The following TAB1 variants were observed in gnomAD, a reference collection of about 807,000 sequenced individuals.
TAB1 encodes TGF-beta activated kinase 1 (MAP3K7) binding protein 1.
Under a neutral mutation model 54.5 loss-of-function variants are expected in TAB1, and 30 were observed. The observed-to-expected ratio is 0.55, with a 90% confidence interval of 0.41 to 0.75. The LOEUF (loss-of-function observed/expected upper bound fraction) is 0.75. Ranked by LOEUF, TAB1 falls within the 30% of genes least tolerant of loss-of-function variation. The pLI is 0.00. For synonymous variants in TAB1, 289 were observed against 286.9 expected (o/e 1.01, Z -0.07); for missense variants, 609 against 683.2 (o/e 0.89, Z 1.21).
downstream of TAB1, chr22:39,433,170 G>A (rs553307930): frequency 3.7e-5 from 36 of 985,392 alleles, no homozygotes; most frequent in African/African-American, 4.7e-4. Context: ...CATCAGTCTC[G>A]GCCGGGCGCG....
Position 39,426,781 on chromosome 22 carries a change from G to A in TAB1, c.1000G>A (p.Val334Met). The A allele has an allele frequency of 1.2e-6, 2 of 1,614,120 alleles. No individual in the cohort carries two copies. The highest frequency in any genetic ancestry group is 1.7e-6 in the Non-Finnish European group (2 of 1,180,036). The stretch of plus-strand genomic sequence containing the variant: ...AGTGGCCCAGGCCGTCGTGGACCGG[G>A]TGAAGCGCATCCACAGCGACACCTT... Reference protein sequence around the residue: ...DAVAQAVVDRVKRIHSDTFAS... With the variant: ...DAVAQAVVDRMKRIHSDTFAS... The change falls in exon 9 of 11, where the codon GTG becomes ATG. Residue 334 changes from valine to methionine, a missense_variant. By Grantham distance (21) the Val-to-Met change is conservative. Coordinates refer to ENST00000216160, the MANE Select transcript of TAB1 (RefSeq NM_006116.3).
intron 6 of TAB1, among the ~76,000 whole-genome samples, chr22:39,419,075 G>A (rs1301897606): frequency 3.3e-5 from 5 of 152,218 alleles, no homozygotes; most frequent in East Asian, 1.9e-4. Context: ...AACCTACCTC[G>A]GGATGCTAGG....
At chr22:39,407,481 G>A (rs1926414337) in intron 1 of TAB1, among the ~76,000 whole-genome samples, 1 of 150,094 alleles carries the variant, frequency 6.7e-6, no homozygotes, top group Non-Finnish European at 1.5e-5. Flanking sequence ...ATCATTTGTT[G>A]TTGTTTTGTT....
downstream of TAB1, among the ~76,000 whole-genome samples, chr22:39,435,476 G>A (rs1489857665): frequency 1.3e-5 from 2 of 152,218 alleles, no homozygotes; most frequent in African/African-American, 2.4e-5. Context: ...GAAGGGCAGC[G>A]ATTTGTGTCT....
At position 39,428,118 on chromosome 22, in the gene TAB1, G is replaced by T. The variant is rs1323085416; in HGVS notation, c.1242G>T (p.Gln414His). The change falls in exon 10 of 11, where the codon CAG becomes CAT. Residue 414 changes from glutamine (Q) to histidine (H), a missense_variant. Physicochemically the swap from Gln to His is conservative, Grantham distance 24 (BLOSUM62 0). Transcript: ENST00000216160. ...CCCTCTCCCTTGTCATGCCCTCCCAGGGCCAGATGGTCAACGGGGCTCACA... is the reference window on the plus strand; with the variant it reads ...CCCTCTCCCTTGTCATGCCCTCCCATGGCCAGATGGTCAACGGGGCTCACA... ...SVTLSLVMPS[Q>H]GQMVNGAHSA... The T allele has an allele frequency of 6.2e-7, 1 of 1,613,632 alleles. No individual in the cohort carries two copies. Among genetic ancestry groups the T allele is most frequent in the Admixed American group, 1.7e-5 (1 of 59,978 alleles).
At chr22:39,414,902 A>C in intron 1 of TAB1, 104 bp from the exon 2 acceptor site, 1 of 1,334,560 alleles carries the variant, frequency 7.5e-7, no homozygotes, top group Non-Finnish European at 1.1e-6. Flanking sequence ...CCCTCTGTGT[A>C]GGGCTGCGGG....
At chr22:39,414,835 AC>A (rs1811039864) in intron 1 of TAB1, 170 bp from the exon 2 acceptor site, 2 of 657,666 alleles carry the variant, frequency 3.0e-6, no homozygotes, top group African/African-American at 1.9e-5. Flanking sequence ...AAAACAGCAA[AC>A]CCTTCTGCAG....
At chr22:39,417,591 A>G (rs1027756565) in intron 4 of TAB1, 120 bp from the exon 5 acceptor site, 7 of 1,022,910 alleles carry the variant, frequency 6.8e-6, no homozygotes, top group African/African-American at 1.7e-5. Flanking sequence ...ACTGCACTGT[A>G]GCCTGGGGGA....
Position 39,426,924 on chromosome 22 carries a change from A to G in TAB1, c.1143A>G (p.Pro381=). ...GCCAGCCCACACCGAGCCCAGCCCCAGGTACGTGTGCTGTGCAGACAGGCA... is the reference window on the plus strand; with the variant it reads ...GCCAGCCCACACCGAGCCCAGCCCCGGGTACGTGTGCTGTGCAGACAGGCA... ...EMSQPTPSPA[P]AAGGRVYPVS... is the part of the protein sequence containing the mutation. The change falls in exon 9 of 11, where the codon CCA becomes CCG. Residue 381 remains proline (P), a splice_region_variant and synonymous_variant. Transcript: ENST00000216160. The G allele has an allele frequency of 3.1e-6, 5 of 1,610,534 alleles. No homozygotes were observed. Among genetic ancestry groups the G allele is most frequent in the Non-Finnish European group, 4.2e-6 (5 of 1,179,672 alleles).
At chr22:39,407,728 G>A (rs1926429744) in intron 1 of TAB1, among the ~76,000 whole-genome samples, 1 of 152,058 alleles carries the variant, frequency 6.6e-6, no homozygotes, top group African/African-American at 2.4e-5. Flanking sequence ...CTCGTGATTC[G>A]CCGGTCTCGG....
At position 39,430,400 on chromosome 22, in the gene TAB1, T is replaced by G; in HGVS notation, c.*178T>G. ...GTGTGAGTGCAGACTGGACCTGTGG[T>G]TCATACCTTGTCACCACCCGGGAAG... On this transcript the variant is annotated 3_prime_UTR_variant, in exon 11 of 11. Coordinates refer to ENST00000216160, the MANE Select transcript of TAB1 (RefSeq NM_006116.3). 3 of 1,441,464 alleles carry G rather than the reference T, an allele frequency of 2.1e-6. No homozygotes were observed. The highest frequency in any genetic ancestry group is 2.7e-6 in the Non-Finnish European group (3 of 1,098,890). The allele number at this position is 1,441,464 out of a possible 1,614,324, so 89.3% of individuals were successfully genotyped here.
In TAB1 at chr22:39,431,724, G is replaced by T. The variant is rs1050326078; in HGVS notation, c.*1502G>T. On this transcript the variant is annotated 3_prime_UTR_variant, in exon 11 of 11. Transcript: ENST00000216160. ...CCCACTTTGAAGCCATCTCTGTTCT[G>T]CAGGTGAGAGGATTTAAAGTCAGTC... The T allele has an allele frequency of 2.0e-6, 2 of 985,380 alleles. No homozygotes were observed. Among genetic ancestry groups the T allele is most frequent in the Non-Finnish European group, 2.4e-6 (2 of 829,988 alleles). The allele number at this position is 985,380 out of a possible 1,614,324, so 61.0% of individuals were successfully genotyped here.
intron 8 of TAB1, among the ~76,000 whole-genome samples, chr22:39,425,127 C>T (rs1478263833): frequency 6.6e-6 from 1 of 151,780 alleles, no homozygotes; most frequent in African/African-American, 2.4e-5. Flanking sequence ...AATCCCAGCA[C>T]TTTGGGAGGC....
At chr22:39,425,807 A>C (rs1927305566) in intron 8 of TAB1, among the ~76,000 whole-genome samples, 1 of 151,530 alleles carries the variant, frequency 6.6e-6, no homozygotes, top group African/African-American at 2.4e-5. Flanking sequence ...CAGAATCCCA[A>C]AGTGCTGAGA....
downstream of TAB1, chr22:39,431,896 C>T (rs1927599905): frequency 2.0e-6 from 2 of 985,188 alleles, no homozygotes; most frequent in Non-Finnish European, 1.2e-6. Context: ...CGCTGTTGCT[C>T]ATGTTTCCTG....
chr22:39,416,721 T>C, intron 3 of TAB1, 70 bp from the exon 4 acceptor site: 1 of 1,415,970 alleles, frequency 7.1e-7, no homozygotes, highest in Non-Finnish European at 1.0e-6. Context: ...CTCTGATTAA[T>C]AGAGGACATT....
intron 1 of TAB1, among the ~76,000 whole-genome samples, chr22:39,403,088 G>T (rs925960530): frequency 6.6e-6 from 1 of 152,254 alleles, no homozygotes; most frequent in Non-Finnish European, 1.5e-5. Flanking sequence ...CAGTGCTGCC[G>T]TGAGTGAATG....
At chr22:39,414,921 G>C in intron 1 of TAB1, 85 bp from the exon 2 acceptor site, 1 of 1,557,412 alleles carries the variant, frequency 6.4e-7, no homozygotes, top group Non-Finnish European at 8.8e-7. Context: ...GGCCTGCTAG[G>C]TTTTTGTTGC....
rs918464084 is a variant in TAB1, at chr22:39,428,991, G to C, written c.1307+808G>C. On this transcript the variant is annotated intron_variant, in intron 10 of 10. Transcript: ENST00000216160. ...TGGGCATCCTGAGTGCAGTAGGGGTGGCCTCTCCAGCACCCCTGCCGGGCT... is the reference window on the plus strand; with the variant it reads ...TGGGCATCCTGAGTGCAGTAGGGGTCGCCTCTCCAGCACCCCTGCCGGGCT... 23 of 890,222 alleles carry C rather than the reference G, an allele frequency of 2.6e-5. No individual in the cohort carries two copies. The African/African-American group carries it at 4.0e-4, about 15-fold the overall frequency. 55.1% of individuals were successfully genotyped at this position (890,222 alleles called of 1,614,324 possible). A position where few individuals can be genotyped will look rare whatever the true frequency, so the allele number is the denominator to read the frequency against.
Sources: allele counts gnomAD v4.1 joint callset (sites outside exome capture counted in the v4.1 genomes callset), GRCh38; gene constraint gnomAD v4.1.1; transcripts MANE v1.5; gene names NCBI Gene and HGNC (gene_info 2026-07-23, HGNC 2026-07-21).